The following CYB5B variants were observed in gnomAD, a reference collection of about 807,000 sequenced individuals.
CYB5B encodes the protein cytochrome b5 type B, also known as cytochrome b5 type B (outer mitochondrial membrane).
In CYB5B, 14 loss-of-function variants were observed where a neutral mutation model predicts 21.3. The ratio of observed to expected loss-of-function variants is 0.66; its 90% CI spans 0.43 to 1.03. CYB5B has a LOEUF of 1.03. Ranked by LOEUF, CYB5B falls within the 50% of genes least tolerant of loss-of-function variation. The pLI is 0.00. For synonymous variants in CYB5B, 69 were observed against 68.4 expected (o/e 1.01, Z -0.04); for missense variants, 166 against 185.1 (o/e 0.90, Z 0.60).
intron 1 of CYB5B, among the ~76,000 whole-genome samples, chr16:69,433,900 T>TAGTC (rs1198477860): frequency 6.6e-6 from 1 of 152,230 alleles, no homozygotes; most frequent in Non-Finnish European, 1.5e-5. Flanking sequence ...CTGTACGGTA[T>TAGTC]AGTCTCTTGT....
chr16:69,440,728 T>TA (rs1413783231), intron 1 of CYB5B, among the ~76,000 whole-genome samples: 1 of 125,530 alleles, frequency 8.0e-6, no homozygotes, highest in African/African-American at 3.2e-5. Context: ...ATAATGCTGC[T>TA]ATGGCCGTGT....
chr16:69,434,655 G>T (rs913742660), intron 1 of CYB5B, among the ~76,000 whole-genome samples: 7 of 152,118 alleles, frequency 4.6e-5, no homozygotes, highest in Non-Finnish European at 1.0e-4. Flanking sequence ...CACGAGGTCA[G>T]CAGATCGAGA....
intron 1 of CYB5B, among the ~76,000 whole-genome samples, chr16:69,426,571 G>A (rs529048429): frequency 6.6e-6 from 1 of 151,902 alleles, no homozygotes; most frequent in Admixed American, 6.6e-5. Context: ...TGGGCCTGGT[G>A]GTGGGCGCCT....
chr16:69,428,118 C>T (rs1336332245), intron 1 of CYB5B, among the ~76,000 whole-genome samples: 1 of 152,056 alleles, frequency 6.6e-6, no homozygotes, highest in Non-Finnish European at 1.5e-5. Context: ...AGCCACTGTG[C>T]TCAGCCTAAT....
chr16:69,455,548 C>T (rs1031413985), intron 3 of CYB5B, among the ~76,000 whole-genome samples: 1 of 151,724 alleles, frequency 6.6e-6, no homozygotes, highest in Non-Finnish European at 1.5e-5. Flanking sequence ...GCTGGGATTA[C>T]AGGCACACAC....
chr16:69,458,815 A>C lies in CYB5B; in HGVS notation c.334-278A>C, dbSNP rs979734033. 3.2e-4 allele frequency among the ~76,000 whole-genome samples: 49 copies of C among 152,184 alleles called. 1 individual carries two copies. Among genetic ancestry groups the C allele is most frequent in the Admixed American group, 3.2e-3 (49 of 15,276 alleles). On this transcript the variant is annotated intron_variant, in intron 3 of 4. Transcript: ENST00000307892. ...CATTTCAATATAGTTTGTATCATTA[A>C]CATTTTTTAACATCTAAAAAAGTTT...
At chr16:69,450,787 A>G (rs1397691331) in intron 3 of CYB5B, among the ~76,000 whole-genome samples, 1 of 152,176 alleles carries the variant, frequency 6.6e-6, no homozygotes, top group African/African-American at 2.4e-5. Context: ...TTAAAAGTCA[A>G]ATTAAAAAGT....
chr16:69,460,329 A>T (rs1364693301), intron 4 of CYB5B, among the ~76,000 whole-genome samples: 1 of 152,224 alleles, frequency 6.6e-6, no homozygotes, highest in Non-Finnish European at 1.5e-5. Context: ...AGATATAAAG[A>T]ATTCCTACAA....
At chr16:69,454,869 T>A (rs1219252743) in intron 3 of CYB5B, among the ~76,000 whole-genome samples, 1 of 152,182 alleles carries the variant, frequency 6.6e-6, no homozygotes, top group African/African-American at 2.4e-5. Flanking sequence ...GAAGGTATAA[T>A]GCCCTGTTTT....
At chr16:69,432,734 A>G (rs34924625) in intron 1 of CYB5B, among the ~76,000 whole-genome samples, 2,225 of 152,224 alleles carry the variant, frequency 0.015, 28 homozygotes, top group Middle Eastern at 0.034. Context: ...AGTAACTTTC[A>G]CAGAGTCATA....
At chr16:69,457,183 C>T (rs542770202) in intron 3 of CYB5B, among the ~76,000 whole-genome samples, 2 of 152,232 alleles carry the variant, frequency 1.3e-5, no homozygotes, top group East Asian at 3.9e-4. Context: ...TTTTGGCTGT[C>T]TTTGTTCTCT....
intron 2 of CYB5B, 135 bp downstream of exon 2, chr16:69,447,413 A>G: frequency 8.3e-7 from 1 of 1,203,824 alleles, no homozygotes; most frequent in Non-Finnish European, 1.1e-6. Context: ...ATGCCAAGGC[A>G]GGCGGATCAC....
At chr16:69,453,212 C>G (rs1260516572) in intron 3 of CYB5B, among the ~76,000 whole-genome samples, 3 of 152,018 alleles carry the variant, frequency 2.0e-5, no homozygotes, top group Middle Eastern at 6.8e-3. Flanking sequence ...ATGTTAGAAG[C>G]AGTCTATTAA....
intron 3 of CYB5B, among the ~76,000 whole-genome samples, chr16:69,451,694 G>A (rs2014932339): frequency 6.6e-6 from 1 of 152,080 alleles, no homozygotes; most frequent in Non-Finnish European, 1.5e-5. Context: ...ACTCACGCCT[G>A]TAATCCCAGC....
intron 1 of CYB5B, among the ~76,000 whole-genome samples, chr16:69,436,390 G>A (rs1404019314): frequency 6.6e-6 from 1 of 152,204 alleles, no homozygotes; most frequent in African/African-American, 2.4e-5. Context: ...AGTTATGTTT[G>A]GATCTGCAGA....
chr16:69,444,269 G>A (rs77389341), intron 1 of CYB5B: 4,321 of 152,674 alleles, frequency 0.028, 89 homozygotes, highest in East Asian at 0.063. Flanking sequence ...GGCTGACGCT[G>A]GAGTTGGACA....
At chr16:69,460,870 A>G (rs527598312) in intron 4 of CYB5B, among the ~76,000 whole-genome samples, 77 of 152,314 alleles carry the variant, frequency 5.1e-4, no homozygotes, top group African/African-American at 1.9e-3. Flanking sequence ...AAGAAGAAAA[A>G]TCTGTCTTAT....
At chr16:69,437,056 T>C (rs2014768206) in intron 1 of CYB5B, among the ~76,000 whole-genome samples, 1 of 152,236 alleles carries the variant, frequency 6.6e-6, no homozygotes, top group African/African-American at 2.4e-5. Flanking sequence ...CTTTGGACAG[T>C]TGAACTGGAT....
At chr16:69,445,250 A>G (rs552043355) in intron 1 of CYB5B, among the ~76,000 whole-genome samples, 1 of 152,358 alleles carries the variant, frequency 6.6e-6, no homozygotes, top group African/African-American at 2.4e-5. Context: ...TTCAGATATA[A>G]TAACAAGTGA....
Sources: gnomAD v4.1 joint callset for allele counts (sites outside exome capture counted in the v4.1 genomes callset) on GRCh38, gnomAD v4.1.1 for gene constraint, MANE v1.5 for transcripts, NCBI Gene and HGNC (gene_info 2026-07-23, HGNC 2026-07-21) for gene names.